Variants in DCC observed in about 807,000 individuals in gnomAD.
The protein encoded by DCC is netrin receptor DCC.
In DCC, 58 loss-of-function variants were observed where a neutral mutation model predicts 172.5. The observed-to-expected ratio is 0.34, with a 90% CI of 0.27 to 0.42. The LOEUF (loss-of-function observed/expected upper bound fraction) is 0.42, where lower values mean the gene tolerates loss of function less well. Ranked by LOEUF, DCC falls within the 10% of genes least tolerant of loss-of-function variation. DCC has a pLI of 1.00. For missense variants in DCC, 1,740 were observed against 1,791.0 expected (o/e 0.97, Z 0.51); for synonymous variants, 709 against 644.5 (o/e 1.10, Z -1.52).
intron 2 of DCC, among the ~76,000 whole-genome samples, chr18:52,853,092 T>C (rs2039002206): frequency 6.6e-6 from 1 of 152,112 alleles, no homozygotes; most frequent in South Asian, 2.1e-4. Flanking sequence ...ATTCCACTCC[T>C]AAGATCAAAT....
rs763099077 is a variant in DCC, at chr18:53,066,132, C to A, written c.1227C>A (p.Ala409=). ...QCVAENEAGN[A]QTSAQLIVPK... ...TGGCTGAAAATGAGGCTGGAAATGC[C>A]CAGACCAGTGCACAGCTCATTGTCC... is the stretch of plus-strand genomic sequence containing the variant. The change falls in exon 7 of 29, where the codon GCC becomes GCA. Residue 409 remains alanine (A), a synonymous_variant. Transcript: ENST00000442544. 1 of 1,613,054 alleles carries A rather than the reference C, an allele frequency of 6.2e-7. No individual in the cohort carries two copies. The highest frequency in any genetic ancestry group is 8.5e-7 in the Non-Finnish European group (1 of 1,179,486).
chr18:52,515,850 C>A (rs779152035), intron 1 of DCC, among the ~76,000 whole-genome samples: 3 of 143,992 alleles, frequency 2.1e-5, no homozygotes, highest in Non-Finnish European at 4.5e-5. Flanking sequence ...AACCACATCT[C>A]TGAAAAAGAA....
intron 27 of DCC, among the ~76,000 whole-genome samples, chr18:53,503,385 A>G (rs2046128607): frequency 6.6e-6 from 1 of 152,130 alleles, no homozygotes; most frequent in Non-Finnish European, 1.5e-5. Flanking sequence ...CAATTTCATC[A>G]TCACCTTATA....
intron 1 of DCC, among the ~76,000 whole-genome samples, chr18:52,508,389 G>A (rs1205879365): frequency 1.3e-5 from 2 of 152,010 alleles, no homozygotes; most frequent in African/African-American, 4.8e-5. Context: ...CCAGTCTAAA[G>A]AAAGAAAAAT....
chr18:52,665,091 A>G (rs888409145), intron 1 of DCC, among the ~76,000 whole-genome samples: 31 of 152,206 alleles, frequency 2.0e-4, no homozygotes, highest in African/African-American at 6.5e-4. Flanking sequence ...GACTGTGTTT[A>G]CAAAATTATG....
chr18:52,811,206 G>T (rs927781182), intron 2 of DCC, among the ~76,000 whole-genome samples: 1 of 152,112 alleles, frequency 6.6e-6, no homozygotes, highest in South Asian at 2.1e-4. Context: ...CTGGCAAATT[G>T]TCATTATCGT....
chr18:52,472,276 C>G (rs777279494), intron 1 of DCC, among the ~76,000 whole-genome samples: 1 of 152,138 alleles, frequency 6.6e-6, no homozygotes, highest in Non-Finnish European at 1.5e-5. Context: ...CCTGGGATCC[C>G]CTGTCTCCCC....
intron 1 of DCC, among the ~76,000 whole-genome samples, chr18:52,421,036 C>T (rs921114036): frequency 2.0e-5 from 3 of 152,076 alleles, no homozygotes; most frequent in African/African-American, 7.2e-5. Flanking sequence ...ATATTTTCAC[C>T]TTATCGAATA....
At chr18:53,472,625 A>G (rs756745894) in intron 25 of DCC, among the ~76,000 whole-genome samples, 1 of 152,154 alleles carries the variant, frequency 6.6e-6, no homozygotes, top group Non-Finnish European at 1.5e-5. Flanking sequence ...CTTTCACAGT[A>G]TCTTTGAATC....
chr18:52,550,307 G>A (rs530431858), intron 1 of DCC, among the ~76,000 whole-genome samples: 75 of 152,060 alleles, frequency 4.9e-4, no homozygotes, highest in Admixed American at 2.7e-3. Context: ...AAGGAGACAT[G>A]GGGATTAAAT....
At chr18:53,163,374 A>AAT (rs2054871884) in intron 8 of DCC, among the ~76,000 whole-genome samples, 1 of 152,230 alleles carries the variant, frequency 6.6e-6, no homozygotes, top group Admixed American at 6.5e-5. Flanking sequence ...ATTTTATTCT[A>AAT]ATATCTCCAT....
At chr18:53,441,159 A>G (rs1277395150) in intron 22 of DCC, among the ~76,000 whole-genome samples, 7 of 152,200 alleles carry the variant, frequency 4.6e-5, no homozygotes, top group Non-Finnish European at 8.8e-5. Flanking sequence ...AGATTAGCAT[A>G]CCCTGTAGGT....
chr18:52,340,804 G>T lies in DCC; in HGVS notation c.17G>T (p.Arg6Ile). Reference sequence around the variant, plus strand: ...GGCTGAAATATGGAGAATAGTCTTAGATGTGTTTGGGTACCCAAGCTGGCT... The same window carrying T: ...GGCTGAAATATGGAGAATAGTCTTATATGTGTTTGGGTACCCAAGCTGGCT... MENSL[R>I]CVWVPKLAFV... The change falls in exon 1 of 29, where the codon AGA (arginine) becomes ATA (isoleucine). Residue 6 changes from arginine (R) to isoleucine (I), a missense_variant. By Grantham distance (97) the Arg-to-Ile change is moderately conservative. Transcript: ENST00000442544. 1.2e-6 allele frequency: 2 copies of T among 1,614,110 alleles called. No individual in the cohort carries two copies. Among genetic ancestry groups the T allele is most frequent in the Non-Finnish European group, 1.7e-6 (2 of 1,179,962 alleles).
At chr18:53,368,628 A>T (rs909400134) in intron 15 of DCC, among the ~76,000 whole-genome samples, 1 of 152,152 alleles carries the variant, frequency 6.6e-6, no homozygotes, top group South Asian at 2.1e-4. Context: ...TAGTGGTATT[A>T]AAAAGGGTCC....
At chr18:53,269,997 T>C (rs773254060) in intron 12 of DCC, among the ~76,000 whole-genome samples, 9 of 152,054 alleles carry the variant, frequency 5.9e-5, no homozygotes, top group Non-Finnish European at 1.2e-4. Flanking sequence ...GTTTAGAAAA[T>C]GCATGTGGTG....
intron 12 of DCC, among the ~76,000 whole-genome samples, chr18:53,219,354 C>A (rs951893089): frequency 1.3e-5 from 2 of 151,992 alleles, no homozygotes; most frequent in Non-Finnish European, 2.9e-5. Context: ...AAAGAATTAG[C>A]GAAAACACAA....
intron 18 of DCC, among the ~76,000 whole-genome samples, chr18:53,398,678 CAT>C (rs1909109668): frequency 6.6e-6 from 1 of 152,074 alleles, no homozygotes; most frequent in Admixed American, 6.6e-5. Flanking sequence ...TTTTTCCTCT[CAT>C]AAACATAAAA....
rs148769710 is a variant in DCC, at chr18:52,894,523, A to G, written c.413-11521A>G. Among the ~76,000 whole-genome samples, 183 of 151,586 alleles carry G rather than the reference A, an allele frequency of 1.2e-3. 1 individual carries two copies. Among genetic ancestry groups the G allele is most frequent in the African/African-American group, 4.2e-3 (173 of 41,430 alleles). ...TATAATATATAGGATCTATCCATCT[A>G]TTTAGAAAGATAAATAGAGACAGAG... On this transcript the variant is annotated intron_variant, in intron 2 of 28. Coordinates refer to ENST00000442544, the MANE Select transcript of DCC (RefSeq NM_005215.4).
chr18:53,401,096 T>G (rs1050551375), intron 18 of DCC, among the ~76,000 whole-genome samples: 18 of 152,208 alleles, frequency 1.2e-4, no homozygotes, highest in African/African-American at 4.1e-4. Context: ...AATCCTTCTT[T>G]AAGACAGCAT....
Sources: allele counts gnomAD v4.1 joint callset (sites outside exome capture counted in the v4.1 genomes callset), GRCh38; gene constraint gnomAD v4.1.1; transcripts MANE v1.5; gene names NCBI Gene and HGNC (gene_info 2026-07-23, HGNC 2026-07-21).